The following CPS1 variants were observed in gnomAD, a reference collection of about 807,000 sequenced individuals.
CPS1 encodes the protein carbamoyl-phosphate synthase [ammonia], mitochondrial.
A neutral mutation model predicts 174.6 loss-of-function variants in CPS1; 109 were observed. The observed-to-expected ratio is 0.62, with a 90% confidence interval of 0.53 to 0.73. The LOEUF is 0.73. Ranked by LOEUF, CPS1 falls within the 30% of genes least tolerant of loss-of-function variation. The pLI, the probability that CPS1 is intolerant of heterozygous loss-of-function variation, is 0.00. For missense variants in CPS1, 1,689 were observed against 1,821.9 expected, an observed-to-expected ratio of 0.93 and a Z score of 1.33; for synonymous variants, 637 against 632.0, an observed-to-expected ratio of 1.01 and a Z score of -0.12.
At chr2:210,654,465 C>T (rs1025861143) in intron 29 of CPS1, among the ~76,000 whole-genome samples, 3 of 152,092 alleles carry the variant, frequency 2.0e-5, no homozygotes, top group Non-Finnish European at 2.9e-5. Context: ...AGTTCCCAAT[C>T]GAATCCTGGT....
intron 6 of CPS1, 103 bp from the exon 7 acceptor site, chr2:210,587,951 AATCT>A (rs1698163065): frequency 1.4e-5 from 14 of 985,788 alleles, no homozygotes; most frequent in Non-Finnish European, 2.1e-5. Flanking sequence ...GTTAACAATC[AATCT>A]GTTACCAATC....
intron 20 of CPS1, among the ~76,000 whole-genome samples, chr2:210,613,922 C>T (rs13393388): frequency 0.01 from 1,530 of 151,882 alleles, 23 homozygotes; most frequent in African/African-American, 0.033. Context: ...CAACAGCAGC[C>T]GGGAACTTGG....
intron 15 of CPS1, among the ~76,000 whole-genome samples, chr2:210,601,790 G>T (rs1421978906): frequency 6.6e-6 from 1 of 151,830 alleles, no homozygotes; most frequent in Non-Finnish European, 1.5e-5. Context: ...GCTTATTGTG[G>T]TAACATCAAG....
intron 8 of CPS1, 44 bp downstream of exon 8, chr2:210,590,278 G>A (rs1323618357): frequency 1.2e-6 from 2 of 1,611,274 alleles, no homozygotes; most frequent in Non-Finnish European, 1.7e-6. Context: ...TGGGAGGTGG[G>A]GGCTTCCGCT....
At chr2:210,525,828 GGAGA>G (rs1177265392) in intron 1 of CPS1, among the ~76,000 whole-genome samples, 2 of 130,504 alleles carry the variant, frequency 1.5e-5, no homozygotes, top group East Asian at 4.5e-4. Context: ...AGAGAGAGAG[GGAGA>G]GAGAAAGAGA....
intron 28 of CPS1, among the ~76,000 whole-genome samples, chr2:210,652,265 G>A (rs1700581144): frequency 6.6e-6 from 1 of 152,144 alleles, no homozygotes; most frequent in Non-Finnish European, 1.5e-5. Context: ...AGTAGTCAGG[G>A]ACCAGATAAA....
intron 35 of CPS1, 125 bp downstream of exon 35, chr2:210,675,086 C>G (rs1466622036): frequency 2.6e-6 from 2 of 773,204 alleles, no homozygotes; most frequent in Non-Finnish European, 4.5e-6. Context: ...GTTTAACTAA[C>G]TTGGTAGTTT....
At chr2:210,533,876 A>C (rs1166328784) in intron 1 of CPS1, among the ~76,000 whole-genome samples, 4 of 152,196 alleles carry the variant, frequency 2.6e-5, no homozygotes, top group Non-Finnish European at 5.9e-5. Context: ...AGTTCATTTC[A>C]GAGTAATCAG....
chr2:210,676,175 G>A (rs1439697285), intron 36 of CPS1, among the ~76,000 whole-genome samples: 1 of 152,150 alleles, frequency 6.6e-6, no homozygotes, highest in Non-Finnish European at 1.5e-5. Context: ...AAGATGACCA[G>A]CTATATTTCA....
Position 210,678,338 on chromosome 2 carries a change from A to G in CPS1, c.*353A>G. ...GTTCTATTTTCTGAACTCTTTCTAT[A>G]CTTTAAGATACTCTATTTTTAAAAC... is the stretch of plus-strand genomic sequence containing the variant. On this transcript the variant is annotated 3_prime_UTR_variant, in exon 38 of 38. Transcript: ENST00000233072. 3.1e-6 allele frequency: 1 copy of G among 320,872 alleles called. No homozygotes were observed. Among genetic ancestry groups the G allele is most frequent in the Non-Finnish European group, 6.0e-6 (1 of 167,758 alleles). 19.9% of individuals were successfully genotyped at this position (320,872 alleles called of 1,614,324 possible). A position where few individuals can be genotyped will look rare whatever the true frequency, so the allele number is the denominator to read the frequency against.
intron 1 of CPS1, among the ~76,000 whole-genome samples, chr2:210,498,868 A>G (rs894264629): frequency 2.6e-5 from 4 of 151,906 alleles, no homozygotes; most frequent in South Asian, 4.1e-4. Flanking sequence ...GCAAGCCAGG[A>G]TAACAGGTAC....
At chr2:210,643,078 C>G (rs1700278473) in intron 25 of CPS1, among the ~76,000 whole-genome samples, 1 of 152,156 alleles carries the variant, frequency 6.6e-6, no homozygotes, top group Admixed American at 6.5e-5. Context: ...TAATGATAAA[C>G]AGTTCCAGTT....
intron 13 of CPS1, among the ~76,000 whole-genome samples, chr2:210,598,194 G>A (rs1485094923): frequency 6.6e-6 from 1 of 151,698 alleles, no homozygotes; most frequent in African/African-American, 2.4e-5. Context: ...CACCAGACTA[G>A]CCTTACAAAA....
intron 21 of CPS1, among the ~76,000 whole-genome samples, chr2:210,620,374 G>C (rs1332538710): frequency 2.0e-5 from 3 of 152,078 alleles, no homozygotes; most frequent in African/African-American, 7.2e-5. Flanking sequence ...GAAGGGGAGA[G>C]ATAAACATGT....
chr2:210,616,798 T>C (rs1486522451), intron 21 of CPS1, among the ~76,000 whole-genome samples: 1 of 151,988 alleles, frequency 6.6e-6, no homozygotes, highest in African/African-American at 2.4e-5. Context: ...TAATAAGGTC[T>C]TTTGAATGCA....
At chr2:210,548,129 T>C (rs1181422926) in intron 1 of CPS1, among the ~76,000 whole-genome samples, 1 of 152,194 alleles carries the variant, frequency 6.6e-6, no homozygotes, top group African/African-American at 2.4e-5. Flanking sequence ...TTCTGAGTTA[T>C]ATATTTTTAT....
intron 31 of CPS1, 131 bp from the exon 32 acceptor site, chr2:210,660,354 G>A (rs1700875353): frequency 2.3e-6 from 2 of 885,410 alleles, no homozygotes; most frequent in Admixed American, 1.9e-5. Flanking sequence ...AAGGAGAAAA[G>A]AGACAAGATT....
At chr2:210,663,012 A>G in intron 32 of CPS1, 111 bp from the exon 33 acceptor site, 2 of 1,044,348 alleles carry the variant, frequency 1.9e-6, no homozygotes, top group Non-Finnish European at 2.9e-6. Flanking sequence ...TGTCTACTGT[A>G]GCCTAAGTGA....
chr2:210,495,038 G>A (rs1162140297), intron 1 of CPS1, among the ~76,000 whole-genome samples: 1 of 152,218 alleles, frequency 6.6e-6, no homozygotes, highest in Admixed American at 6.5e-5. Flanking sequence ...AACACTCCAG[G>A]TGATTCTAAT....
Sources: gnomAD v4.1 joint callset for allele counts (sites outside exome capture counted in the v4.1 genomes callset) on GRCh38, gnomAD v4.1.1 for gene constraint, MANE v1.5 for transcripts, NCBI Gene and HGNC (gene_info 2026-07-23, HGNC 2026-07-21) for gene names.